PRKD1: variants seen among roughly 807,000 people sequenced by gnomAD.
PRKD1 encodes serine/threonine-protein kinase D1.
Under a neutral mutation model 95.9 loss-of-function variants are expected in PRKD1, and 63 were observed. The ratio of observed to expected loss-of-function variants is 0.66; its 90% CI spans 0.54 to 0.81. The LOEUF (loss-of-function observed/expected upper bound fraction) is 0.81, where lower values mean the gene tolerates loss of function less well. Ranked by LOEUF, PRKD1 falls within the 30% of genes least tolerant of loss-of-function variation. PRKD1 has a pLI of 0.00. For missense variants in PRKD1, 1,048 were observed against 1,165.3 expected, an observed-to-expected ratio of 0.90 and a Z score of 1.47; for synonymous variants, 425 against 423.1, an observed-to-expected ratio of 1.00 and a Z score of -0.05.
At chr14:29,616,354 GA>G (rs1878858543) in intron 13 of PRKD1, among the ~76,000 whole-genome samples, 1 of 150,968 alleles carries the variant, frequency 6.6e-6, no homozygotes, top group Non-Finnish European at 1.5e-5. Flanking sequence ...AAGAGGAGCA[GA>G]GCACAAATTT....
chr14:29,759,940 A>C (rs1887896488), intron 1 of PRKD1, among the ~76,000 whole-genome samples: 1 of 152,244 alleles, frequency 6.6e-6, no homozygotes, highest in South Asian at 2.1e-4. Context: ...TTTCATATTC[A>C]GAGGTTTATG....
rs1891157110 is a variant in PRKD1, at chr14:29,826,708, CACATATATATATACATATATAT to C, written c.264+100519_264+100540del. ...ATACACACATATATATACATATATA[CACATATATATATACATATATAT>C]ACACATATATATACACATATATATA... On this transcript the variant is annotated intron_variant, in intron 1 of 17. Transcript: ENST00000331968. 4.5e-5 allele frequency among the ~76,000 whole-genome samples: 2 copies of C among 43,962 alleles called. 1 individual carries two copies. 28.8% of individuals were successfully genotyped at this position (43,962 alleles called of 152,430 possible).
At chr14:29,848,125 G>T (rs755327227) in intron 1 of PRKD1, among the ~76,000 whole-genome samples, 5 of 152,074 alleles carry the variant, frequency 3.3e-5, no homozygotes, top group Non-Finnish European at 7.3e-5. Flanking sequence ...CCAGTCCTAT[G>T]GCAGGCAGCT....
At chr14:29,616,243 C>CAAAAAAAAAA (rs72142312) in intron 13 of PRKD1, among the ~76,000 whole-genome samples, 1 of 33,966 alleles carries the variant, frequency 2.9e-5, no homozygotes. Context: ...AGAGTATGGC[C>CAAAAAAAAAA]AAAAAAAAAA....
At chr14:29,588,830 GTGTTTGTGTC>G (rs758760276) in intron 16 of PRKD1, among the ~76,000 whole-genome samples, 1 of 139,922 alleles carries the variant, frequency 7.1e-6, no homozygotes, top group African/African-American at 2.8e-5. Context: ...GTGTGTGTGT[GTGTTTGTGTC>G]ACCAAATGTC....
At chr14:29,831,200 T>C (rs117281660) in intron 1 of PRKD1, among the ~76,000 whole-genome samples, 1,960 of 152,314 alleles carry the variant, frequency 0.013, 25 homozygotes, top group Middle Eastern at 0.02. Context: ...GTAATACTAT[T>C]TGTCCCCATT....
intron 1 of PRKD1, among the ~76,000 whole-genome samples, chr14:29,819,704 A>C (rs1314180321): frequency 6.6e-6 from 1 of 152,042 alleles, no homozygotes; most frequent in Non-Finnish European, 1.5e-5. Context: ...AATAAAATAA[A>C]ATAAAATAAC....
rs1349287952 is a variant in PRKD1 at position 29,895,976 on chromosome 14, TTATCTC to T, written c.264+31267_264+31272del. On this transcript the variant is annotated intron_variant, in intron 1 of 17. Coordinates refer to ENST00000331968, the MANE Select transcript of PRKD1 (RefSeq NM_002742.3). ...ACTCACTATGCTTACTTTTCATTGT[TTATCTC>T]TATCCACTAGAATGTAGCTTCAAGA... 3.9e-5 allele frequency among the ~76,000 whole-genome samples: 6 copies of T among 152,232 alleles called. No individual in the cohort carries two copies. The East Asian group carries it at 5.8e-4, about 15-fold the overall frequency.
intron 1 of PRKD1, among the ~76,000 whole-genome samples, chr14:29,785,647 G>A (rs1486921569): frequency 1.5e-5 from 2 of 129,510 alleles, no homozygotes; most frequent in Admixed American, 8.7e-5. Context: ...ACAGGAAGGG[G>A]AACATCACAC....
chr14:29,852,950 G>A (rs1431373397), intron 1 of PRKD1, among the ~76,000 whole-genome samples: 2 of 152,016 alleles, frequency 1.3e-5, no homozygotes, highest in Non-Finnish European at 1.5e-5. Flanking sequence ...TCAGTAGAAT[G>A]GATCAAAACA....
intron 1 of PRKD1, among the ~76,000 whole-genome samples, chr14:29,862,368 G>A (rs1000608121): frequency 2.6e-5 from 4 of 152,094 alleles, no homozygotes; most frequent in East Asian, 1.9e-4. Context: ...TTTCCTTTTC[G>A]GGGAGGGGGG....
intron 1 of PRKD1, among the ~76,000 whole-genome samples, chr14:29,849,049 T>C (rs2139333480): frequency 6.6e-6 from 1 of 152,294 alleles, no homozygotes; most frequent in East Asian, 1.9e-4. Context: ...CCTCTTGATA[T>C]GGTTTGCATT....
intron 1 of PRKD1, among the ~76,000 whole-genome samples, chr14:29,814,571 T>C (rs1890617528): frequency 6.6e-6 from 1 of 152,180 alleles, no homozygotes; most frequent in East Asian, 1.9e-4. Flanking sequence ...CTCTTATGCC[T>C]GCATGTGCTC....
intron 1 of PRKD1, among the ~76,000 whole-genome samples, chr14:29,755,223 G>A (rs1377701717): frequency 6.6e-6 from 1 of 152,010 alleles, no homozygotes; most frequent in Non-Finnish European, 1.5e-5. Context: ...CAAATAATTA[G>A]AGGCTTATCT....
intron 4 of PRKD1, among the ~76,000 whole-genome samples, chr14:29,651,385 C>T (rs574114607): frequency 1.3e-5 from 2 of 152,306 alleles, no homozygotes; most frequent in East Asian, 3.9e-4. Flanking sequence ...TCTCATCTTA[C>T]ATTTCACTAT....
Position 29,902,260 on chromosome 14 carries a change from C to CA in PRKD1, c.264+24988dup, listed in dbSNP as rs771150427. Among the ~76,000 whole-genome samples, 627 of 121,014 alleles carry CA rather than the reference C, an allele frequency of 5.2e-3. 3 individuals carry two copies. Among genetic ancestry groups the CA allele is most frequent in the Middle Eastern group, 8.3e-3 (2 of 242 alleles). The allele number at this position is 121,014 out of a possible 152,430, so 79.4% of individuals were successfully genotyped here. The stretch of plus-strand genomic sequence containing the variant: ...GGCAACAAGAGCAAAACTCCATCTC[C>CA]AAAAAAAAAAAAAGGAATTATGATT... On this transcript the variant is annotated intron_variant, in intron 1 of 17. Coordinates refer to ENST00000331968, the MANE Select transcript of PRKD1 (RefSeq NM_002742.3).
intron 9 of PRKD1, among the ~76,000 whole-genome samples, chr14:29,632,086 C>A (rs1356236349): frequency 1.3e-5 from 2 of 152,136 alleles, no homozygotes; most frequent in Admixed American, 6.5e-5. Flanking sequence ...CAGGCATGAG[C>A]CACTGCGCCT....
intron 1 of PRKD1, among the ~76,000 whole-genome samples, chr14:29,872,638 A>G (rs1001966600): frequency 6.6e-6 from 1 of 151,234 alleles, no homozygotes; most frequent in Non-Finnish European, 1.5e-5. Context: ...CCTGGGCAAC[A>G]GAGTGAGACT....
chr14:29,896,872 G>T (rs1477756746), intron 1 of PRKD1, among the ~76,000 whole-genome samples: 1 of 151,972 alleles, frequency 6.6e-6, no homozygotes, highest in African/African-American at 2.4e-5. Flanking sequence ...GAAAGGATAT[G>T]GGACACAAAG....
Sources: allele counts gnomAD v4.1 joint callset (sites outside exome capture counted in the v4.1 genomes callset), GRCh38; gene constraint gnomAD v4.1.1; transcripts MANE v1.5; gene names NCBI Gene and HGNC (gene_info 2026-07-23, HGNC 2026-07-21).